The following KCNIP4 variants were observed in gnomAD, a reference collection of about 807,000 sequenced individuals.
KCNIP4 encodes the protein Kv channel-interacting protein 4.
In KCNIP4, 12 loss-of-function variants were observed where a neutral mutation model predicts 34.0. The observed-to-expected ratio is 0.35, with a 90% CI of 0.23 to 0.57. The LOEUF (loss-of-function observed/expected upper bound fraction) is 0.57, where lower values mean the gene tolerates loss of function less well. KCNIP4 is among the 20% of genes least tolerant of loss of function. KCNIP4 has a pLI of 0.83. For missense variants in KCNIP4, 238 were observed against 311.7 expected (o/e 0.76, Z 1.78); for synonymous variants, 124 against 102.2 (o/e 1.21, Z -1.29).
chr4:21,873,152 T>A lies in KCNIP4; in HGVS notation c.61+75419A>T, dbSNP rs117774203. 3.7e-4 allele frequency among the ~76,000 whole-genome samples: 57 copies of A among 152,318 alleles called. No individual in the cohort carries two copies. In the East Asian group the frequency reaches 8.9e-3, roughly 24 times the overall value. On this transcript the variant is annotated intron_variant, in intron 1 of 8. Coordinates refer to ENST00000382152, the MANE Select transcript of KCNIP4 (RefSeq NM_025221.6). ...ACCACGTTGTCCAAATAAAACCCAA[T>A]CTCTTTGAATGTTTAAATATTAAAT...
chr4:21,130,055 G>A (rs547177857), intron 1 of KCNIP4, among the ~76,000 whole-genome samples: 1 of 152,162 alleles, frequency 6.6e-6, no homozygotes, highest in South Asian at 2.1e-4. Flanking sequence ...TTTGACCTAG[G>A]AGGGAGCCTT....
At chr4:21,348,434 G>A (rs1717678690) in intron 1 of KCNIP4, among the ~76,000 whole-genome samples, 2 of 152,122 alleles carry the variant, frequency 1.3e-5, no homozygotes, top group Admixed American at 1.3e-4. Context: ...TTTGTATTCT[G>A]GCCTGTGCTC....
chr4:20,870,176 A>T (rs1723292377), intron 2 of KCNIP4, among the ~76,000 whole-genome samples: 1 of 152,068 alleles, frequency 6.6e-6, no homozygotes, highest in Non-Finnish European at 1.5e-5. Context: ...TCTCATGTTG[A>T]ATTGTAATTC....
At chr4:21,152,827 C>A (rs1425368400) in intron 1 of KCNIP4, among the ~76,000 whole-genome samples, 1 of 152,178 alleles carries the variant, frequency 6.6e-6, no homozygotes, top group Non-Finnish European at 1.5e-5. Flanking sequence ...GTGAACTACG[C>A]ATGCGTGGGA....
At chr4:20,738,190 A>G (rs965664077) in intron 5 of KCNIP4, among the ~76,000 whole-genome samples, 4 of 152,174 alleles carry the variant, frequency 2.6e-5, no homozygotes, top group African/African-American at 9.6e-5. Flanking sequence ...TGCAGAACAT[A>G]GAGCCTTATT....
chr4:20,767,083 G>T (rs779344453), intron 3 of KCNIP4: 17 of 152,124 alleles, frequency 1.1e-4, no homozygotes, highest in Non-Finnish European at 1.9e-4. Flanking sequence ...AATAGTTTAG[G>T]ATTTGGTAAG....
At chr4:21,272,765 C>T (rs1466962436) in intron 1 of KCNIP4, among the ~76,000 whole-genome samples, 2 of 148,540 alleles carry the variant, frequency 1.3e-5, no homozygotes, top group African/African-American at 2.5e-5. Flanking sequence ...GTGACTGGTA[C>T]ATATAAATAT....
intron 1 of KCNIP4, among the ~76,000 whole-genome samples, chr4:21,673,432 TTAAAA>T (rs1218198657): frequency 2.6e-5 from 4 of 152,150 alleles, no homozygotes; most frequent in African/African-American, 9.7e-5. Flanking sequence ...TAATTTTCAT[TTAAAA>T]TAAAATACAG....
intron 1 of KCNIP4, among the ~76,000 whole-genome samples, chr4:21,264,889 G>C (rs977684554): frequency 1.3e-5 from 2 of 151,976 alleles, no homozygotes; most frequent in African/African-American, 4.8e-5. Context: ...CTTTAGGTCA[G>C]GTGTTCGAGA....
chr4:21,165,894 AAATT>A (rs1272801332), intron 1 of KCNIP4, among the ~76,000 whole-genome samples: 4 of 152,168 alleles, frequency 2.6e-5, no homozygotes, highest in Non-Finnish European at 5.9e-5. Context: ...CTTCATCAAT[AAATT>A]CCTGCCTTAG....
chr4:21,508,917 T>C (rs913234881), intron 1 of KCNIP4, among the ~76,000 whole-genome samples: 10 of 152,158 alleles, frequency 6.6e-5, no homozygotes, highest in African/African-American at 2.2e-4. Flanking sequence ...CTGTTACTTA[T>C]AGCTAAATTT....
intron 1 of KCNIP4, among the ~76,000 whole-genome samples, chr4:21,717,578 A>G (rs141152106): frequency 6.6e-6 from 1 of 152,172 alleles, no homozygotes; most frequent in African/African-American, 2.4e-5. Flanking sequence ...GCAAGTTATG[A>G]CCACCTATAT....
chr4:20,742,700 G>T (rs2149310026), intron 5 of KCNIP4, among the ~76,000 whole-genome samples: 1 of 152,238 alleles, frequency 6.6e-6, no homozygotes, highest in East Asian at 1.9e-4. Context: ...ACATAGTGTT[G>T]GAAGTTCTGG....
intron 1 of KCNIP4, among the ~76,000 whole-genome samples, chr4:21,597,947 AAAAG>A (rs1742785738): frequency 6.6e-6 from 1 of 152,120 alleles, no homozygotes; most frequent in African/African-American, 2.4e-5. Context: ...AACAGAAGAG[AAAAG>A]AAAAAATGCA....
chr4:21,504,800 T>C (rs952623272), intron 1 of KCNIP4, among the ~76,000 whole-genome samples: 1 of 152,196 alleles, frequency 6.6e-6, no homozygotes, highest in Non-Finnish European at 1.5e-5. Flanking sequence ...GATATTATGT[T>C]TTAATTAGCT....
rs115633609 is a variant in KCNIP4 at position 21,930,170 on chromosome 4, A to G, written c.61+18401T>C. 8.4e-3 allele frequency among the ~76,000 whole-genome samples: 1,276 copies of G among 152,268 alleles called. 14 individuals are homozygous for G. Among genetic ancestry groups the G allele is most frequent in the African/African-American group, 0.029 (1,197 of 41,562 alleles). ...CCTCAATATGTACTAAAGCAGCCATATCCTCAAGGATTCCGCTGAAGATTA... is the reference window on the plus strand; with the variant it reads ...CCTCAATATGTACTAAAGCAGCCATGTCCTCAAGGATTCCGCTGAAGATTA... On this transcript the variant is annotated intron_variant, in intron 1 of 8. Transcript: ENST00000382152.
intron 1 of KCNIP4, among the ~76,000 whole-genome samples, chr4:21,579,657 AC>A (rs1741053035): frequency 1.3e-5 from 2 of 151,972 alleles, no homozygotes; most frequent in Admixed American, 1.3e-4. Context: ...ATTGCTGAAA[AC>A]CCTTGTACTC....
chr4:20,802,492 T>C (rs2149419986), intron 3 of KCNIP4, among the ~76,000 whole-genome samples: 1 of 152,212 alleles, frequency 6.6e-6, no homozygotes, highest in Non-Finnish European at 1.5e-5. Context: ...AATTGCACTT[T>C]TGACCAAATG....
At chr4:21,694,611 T>C (rs1392852716) in intron 1 of KCNIP4, among the ~76,000 whole-genome samples, 3 of 152,082 alleles carry the variant, frequency 2.0e-5, no homozygotes, top group Non-Finnish European at 2.9e-5. Context: ...AAAAAAATTA[T>C]TTTAGAAATC....
Sources: gnomAD v4.1 joint callset for allele counts (sites outside exome capture counted in the v4.1 genomes callset) on GRCh38, gnomAD v4.1.1 for gene constraint, MANE v1.5 for transcripts, NCBI Gene and HGNC (gene_info 2026-07-23, HGNC 2026-07-21) for gene names.